The following ANKRD31 variants were observed in gnomAD, a reference collection of about 807,000 sequenced individuals.
ANKRD31 encodes ankyrin repeat domain 31.
ANKRD31 carries 147 observed loss-of-function variants against 186.0 expected under a neutral mutation model. The ratio of observed to expected loss-of-function variants is 0.79; its 90% confidence interval spans 0.69 to 0.91. ANKRD31 has a LOEUF of 0.91. Ranked by LOEUF, ANKRD31 falls within the 40% of genes least tolerant of loss-of-function variation. ANKRD31 has a pLI of 0.00. For missense variants in ANKRD31, 1,986 were observed against 2,148.8 expected (o/e 0.92, Z 1.50); for synonymous variants, 673 against 736.4 (o/e 0.91, Z 1.39).
chr5:75,136,895 T>TGAGCAA (rs1358098858), intron 17 of ANKRD31, among the ~76,000 whole-genome samples: 10 of 152,182 alleles, frequency 6.6e-5, no homozygotes, highest in Admixed American at 1.3e-4. Context: ...ACCATCATTC[T>TGAGCAA]GAGCAAATTA....
chr5:75,080,050 A>T (rs1461688098), intron 25 of ANKRD31, among the ~76,000 whole-genome samples: 1 of 152,080 alleles, frequency 6.6e-6, no homozygotes, highest in African/African-American at 2.4e-5. Flanking sequence ...ATGAGCCGAG[A>T]TCGTGCCACC....
rs368085975 is a variant in ANKRD31 at position 75,172,242 on chromosome 5, G to A, written c.1565-3121C>T. Among the ~76,000 whole-genome samples the A allele has an allele frequency of 4.6e-5, 7 of 151,682 alleles. No individual in the cohort carries two copies. The East Asian group carries it at 1.2e-3, about 25-fold the overall frequency. Reference sequence around the variant, plus strand: ...CAGTTTATTCTAAGAATGTAAGGTTGGTTTAACATTTGAAAATCAATAAAG... The same window carrying A: ...CAGTTTATTCTAAGAATGTAAGGTTAGTTTAACATTTGAAAATCAATAAAG... On this transcript the variant is annotated intron_variant, in intron 10 of 25. Transcript: ENST00000506364.
chr5:75,219,351 A>G (rs1454784685), intron 3 of ANKRD31, among the ~76,000 whole-genome samples: 1 of 152,200 alleles, frequency 6.6e-6, no homozygotes, highest in Non-Finnish European at 1.5e-5. Flanking sequence ...AAAAGCAGCC[A>G]AACTGACAGC....
Position 75,078,033 on chromosome 5 carries a change from A to G in ANKRD31, c.5647+2535T>C, listed in dbSNP as rs1744801619. Among the ~76,000 whole-genome samples, 2 of 152,012 alleles carry G rather than the reference A, an allele frequency of 1.3e-5. 1 individual carries two copies. Among genetic ancestry groups the G allele is most frequent in the South Asian group, 4.1e-4 (2 of 4,834 alleles). ...GCCACATGGCAGACAATCAACAAAT[A>G]TTTAATTTTCTTCTCTTTCCTTTCC... On this transcript the variant is annotated intron_variant, in intron 25 of 25. Coordinates refer to ENST00000506364, the MANE Select transcript of ANKRD31 (RefSeq NM_001372053.1).
intron 25 of ANKRD31, among the ~76,000 whole-genome samples, chr5:75,080,023 G>A (rs1744962791): frequency 6.6e-6 from 1 of 152,048 alleles, no homozygotes; most frequent in South Asian, 2.1e-4. Context: ...ACTTGAGCCT[G>A]GGAGATCGAG....
chr5:75,087,620 A>G (rs549843407), intron 23 of ANKRD31, among the ~76,000 whole-genome samples: 92 of 152,328 alleles, frequency 6.0e-4, no homozygotes, highest in African/African-American at 2.1e-3. Flanking sequence ...CTGCTCCAAG[A>G]GGAGTAGAAG....
At chr5:75,136,843 G>T (rs1244991611) in intron 17 of ANKRD31, among the ~76,000 whole-genome samples, 2 of 152,166 alleles carry the variant, frequency 1.3e-5, no homozygotes, top group Non-Finnish European at 1.5e-5. Context: ...CATAAAAAAG[G>T]ATGAGTTCAT....
chr5:75,153,247 A>G (rs935391961), intron 12 of ANKRD31, among the ~76,000 whole-genome samples: 1 of 152,012 alleles, frequency 6.6e-6, no homozygotes, highest in African/African-American at 2.4e-5. Context: ...GATGACTACA[A>G]CCTGTGACTC....
chr5:75,088,583 T>C (rs374599943), intron 23 of ANKRD31, among the ~76,000 whole-genome samples: 5 of 152,188 alleles, frequency 3.3e-5, no homozygotes, highest in African/African-American at 9.7e-5. Context: ...GGTGGCTAGA[T>C]TGTACTGTGT....
At position 75,083,731 on chromosome 5, in the gene ANKRD31, C is replaced by CA. The variant is rs34820557; in HGVS notation, c.5575+540dup. ...GGCAACAAGGGCAAAACTCTCGTCT[C>CA]AAAAAAAAAAAAAGTTGGGGGGGAA... On this transcript the variant is annotated intron_variant, in intron 24 of 25. Transcript: ENST00000506364. Among the ~76,000 whole-genome samples the CA allele has an allele frequency of 3.4e-3, 459 of 133,432 alleles. 8 individuals are homozygous for CA. The East Asian group carries it at 0.065, about 19-fold the overall frequency. The allele number at this position is 133,432 out of a possible 152,430, so 87.5% of individuals were successfully genotyped here. A position where few individuals can be genotyped will look rare whatever the true frequency, so the allele number is the denominator to read the frequency against.
chr5:75,234,314 C>T (rs1758123732), intron 1 of ANKRD31, among the ~76,000 whole-genome samples: 1 of 152,172 alleles, frequency 6.6e-6, no homozygotes, highest in Non-Finnish European at 1.5e-5. Flanking sequence ...TTTTATTGCT[C>T]ATGTTTCCTA....
chr5:75,226,195 C>A (rs1391719421), intron 2 of ANKRD31, among the ~76,000 whole-genome samples: 2 of 152,138 alleles, frequency 1.3e-5, no homozygotes, highest in Non-Finnish European at 1.5e-5. Flanking sequence ...TCTCTGGCTC[C>A]CAGACAACAT....
intron 10 of ANKRD31, among the ~76,000 whole-genome samples, chr5:75,183,226 T>C (rs144944822): frequency 3.8e-3 from 578 of 152,242 alleles, no homozygotes; most frequent in African/African-American, 0.013. Context: ...TGATAAAAAT[T>C]CTCAACAAAT....
intron 5 of ANKRD31, among the ~76,000 whole-genome samples, chr5:75,200,945 T>C (rs2150262032): frequency 6.6e-6 from 1 of 151,588 alleles, no homozygotes; most frequent in South Asian, 2.1e-4. Context: ...AAGACCCAAA[T>C]ATTCTGACAC....
intron 2 of ANKRD31, among the ~76,000 whole-genome samples, chr5:75,223,472 C>G (rs979728403): frequency 1.3e-5 from 2 of 151,954 alleles, no homozygotes; most frequent in Admixed American, 1.3e-4. Context: ...TCCAAAAAAG[C>G]CACAGTTTTT....
chr5:75,165,473 G>A (rs1316955032), intron 11 of ANKRD31, among the ~76,000 whole-genome samples: 1 of 152,116 alleles, frequency 6.6e-6, no homozygotes, highest in African/African-American at 2.4e-5. Context: ...CGAGTAGGTA[G>A]AGAACGAAAG....
intron 15 of ANKRD31, among the ~76,000 whole-genome samples, chr5:75,142,142 G>A (rs1031939653): frequency 1.9e-4 from 29 of 151,730 alleles, no homozygotes; most frequent in African/African-American, 5.3e-4. Context: ...TTTTCTTCTC[G>A]GAAGCTTTCA....
chr5:75,103,603 T>G (rs778503210), intron 22 of ANKRD31, among the ~76,000 whole-genome samples: 1 of 152,152 alleles, frequency 6.6e-6, no homozygotes, highest in Non-Finnish European at 1.5e-5. Context: ...TCAACCCAAA[T>G]GCCCATTGAT....
chr5:75,166,837 T>G (rs934030743), intron 11 of ANKRD31, among the ~76,000 whole-genome samples: 2 of 152,206 alleles, frequency 1.3e-5, no homozygotes, highest in African/African-American at 2.4e-5. Context: ...GCACATTTTC[T>G]AAGGAACAAC....
Sources: allele counts gnomAD v4.1 joint callset (sites outside exome capture counted in the v4.1 genomes callset), GRCh38; gene constraint gnomAD v4.1.1; transcripts MANE v1.5; gene names NCBI Gene and HGNC (gene_info 2026-07-23, HGNC 2026-07-21).